Variants in DNAH3 observed in about 807,000 individuals in gnomAD.
DNAH3 encodes the protein dynein axonemal heavy chain 3, also known as axonemal beta dynein heavy chain 3.
In DNAH3, 332 loss-of-function variants were observed where a neutral mutation model predicts 432.5. That is an observed-to-expected ratio of 0.77 (90% CI 0.70 to 0.84). The LOEUF (loss-of-function observed/expected upper bound fraction) is 0.84, where lower values mean the gene tolerates loss of function less well. Among genes scored for constraint, DNAH3 ranks in the 40% least tolerant of loss-of-function variants. The pLI is 0.00. For synonymous variants in DNAH3, 1,956 were observed against 1,900.2 expected (o/e 1.03, Z -0.76); for missense variants, 4,861 against 5,114.0 (o/e 0.95, Z 1.51).
intron 56 of DNAH3, among the ~76,000 whole-genome samples, chr16:20,951,077 G>A (rs1367184512): frequency 6.6e-6 from 1 of 151,908 alleles, no homozygotes; most frequent in Non-Finnish European, 1.5e-5. Context: ...GCCTCCAAAA[G>A]TGCTGGGATT....
intron 32 of DNAH3, among the ~76,000 whole-genome samples, chr16:21,041,296 G>C (rs923694984): frequency 6.6e-6 from 1 of 152,102 alleles, no homozygotes; most frequent in Admixed American, 6.5e-5. Context: ...ACTTGAACCT[G>C]GGAGGCAGAT....
At chr16:20,944,880 C>A (rs887432845) in intron 57 of DNAH3, among the ~76,000 whole-genome samples, 2 of 152,050 alleles carry the variant, frequency 1.3e-5, no homozygotes, top group Non-Finnish European at 2.9e-5. Flanking sequence ...GACTGAATTA[C>A]CTCTCGCCCA....
At chr16:20,973,274 A>G (rs1311163505) in intron 51 of DNAH3, among the ~76,000 whole-genome samples, 1 of 150,474 alleles carries the variant, frequency 6.6e-6, no homozygotes, top group Non-Finnish European at 1.5e-5. Context: ...TCTTTTTGAG[A>G]TAAGGTCTTG....
intron 59 of DNAH3, among the ~76,000 whole-genome samples, chr16:20,937,106 T>C (rs754792846): frequency 3.9e-5 from 6 of 152,238 alleles, no homozygotes; most frequent in Non-Finnish European, 5.9e-5. Flanking sequence ...TGTTTTTCTT[T>C]CTTAGCATAT....
At chr16:21,001,618 G>A (rs1419184659) in intron 42 of DNAH3, among the ~76,000 whole-genome samples, 1 of 152,178 alleles carries the variant, frequency 6.6e-6, no homozygotes, top group Non-Finnish European at 1.5e-5. Flanking sequence ...GAGAAGAAGA[G>A]AAGTAACAGG....
intron 11 of DNAH3, among the ~76,000 whole-genome samples, chr16:21,119,354 G>A (rs1028557856): frequency 1.5e-4 from 23 of 152,064 alleles, no homozygotes; most frequent in African/African-American, 5.1e-4. Flanking sequence ...GCATTCGGCC[G>A]GGTGTGGTGG....
At chr16:20,973,235 T>C (rs925916063) in intron 51 of DNAH3, among the ~76,000 whole-genome samples, 3 of 152,078 alleles carry the variant, frequency 2.0e-5, no homozygotes, top group Admixed American at 6.6e-5. Flanking sequence ...TCAACTCTCA[T>C]ATGCCCATGT....
intron 42 of DNAH3, among the ~76,000 whole-genome samples, chr16:21,002,875 G>T: frequency 6.6e-6 from 1 of 152,250 alleles, no homozygotes; most frequent in African/African-American, 2.4e-5. Context: ...AACCATAAAT[G>T]TTCCCCCCAC....
At chr16:21,039,895 C>G in exon 33 of DNAH3, 1 of 1,613,830 alleles carries the variant, frequency 6.2e-7, no homozygotes, top group South Asian at 1.1e-5. Flanking sequence ...GAGATTTCTC[C>G]AATGAGGGCG....
At chr16:21,073,063 G>A (rs1372727190) in intron 21 of DNAH3, among the ~76,000 whole-genome samples, 1 of 151,946 alleles carries the variant, frequency 6.6e-6, no homozygotes, top group African/African-American at 2.4e-5. Context: ...TTTTTCTCCT[G>A]GGCCATTGTG....
intron 19 of DNAH3, among the ~76,000 whole-genome samples, chr16:21,086,048 G>A (rs900567782): frequency 1.3e-5 from 2 of 152,110 alleles, no homozygotes; most frequent in African/African-American, 2.4e-5. Context: ...TTGAGCCACC[G>A]TGCCTGGTCT....
At chr16:21,155,069 C>A (rs897763885) in intron 1 of DNAH3, among the ~76,000 whole-genome samples, 7 of 151,636 alleles carry the variant, frequency 4.6e-5, no homozygotes, top group Non-Finnish European at 7.4e-5. Flanking sequence ...CTTGCCTCAG[C>A]CTCCCCAGTA....
chr16:20,944,683 T>G lies in DNAH3; in HGVS notation c.11344-20A>C. The G allele has an allele frequency of 6.2e-7, 1 of 1,613,438 alleles. No individual in the cohort carries two copies. Among genetic ancestry groups the G allele is most frequent in the Non-Finnish European group, 8.5e-7 (1 of 1,179,766 alleles). ...ATAGGACTGGAAGGGAAATCTTCAG[T>G]TGAAATCAACGAGGGACCCCAGAAT... On this transcript the variant is annotated intron_variant, in intron 57 of 61. Coordinates refer to ENST00000261383, the Ensembl canonical transcript of DNAH3.
chr16:21,098,071 T>C (rs1032976705), intron 17 of DNAH3, among the ~76,000 whole-genome samples: 1 of 152,166 alleles, frequency 6.6e-6, no homozygotes, highest in African/African-American at 2.4e-5. Context: ...TACCTTACTA[T>C]AATTTCTTCT....
intron 57 of DNAH3, among the ~76,000 whole-genome samples, chr16:20,948,131 C>T (rs893733999): frequency 1.1e-4 from 17 of 152,150 alleles, no homozygotes; most frequent in Admixed American, 2.6e-4. Flanking sequence ...TCATTCCCTG[C>T]CCAGTTTTTC....
intron 24 of DNAH3, chr16:21,062,916 G>A (rs2090413664): frequency 4.1e-6 from 2 of 489,160 alleles, no homozygotes; most frequent in Non-Finnish European, 7.3e-6. Flanking sequence ...TTGAACTCCT[G>A]GGCTCAAGCA....
chr16:21,060,436 C>G (rs2090305636), intron 25 of DNAH3, 80 bp from the exon 26 acceptor site: 1 of 1,045,658 alleles, frequency 9.6e-7, no homozygotes, highest in South Asian at 1.3e-5. Flanking sequence ...ACAGCTTTCT[C>G]TCTGGACACG....
chr16:20,985,122 C>T, exon 48 of DNAH3: 2 of 1,614,200 alleles, frequency 1.2e-6, no homozygotes, highest in Non-Finnish European at 1.7e-6. Context: ...TGACTTCAAC[C>T]TTCTCTCCTT....
rs555983378 is a variant in DNAH3 at position 20,966,014 on chromosome 16, A to ATTTTT, written c.8459-594_8459-590dup. Among the ~76,000 whole-genome samples the ATTTTT allele has an allele frequency of 6.0e-3, 288 of 48,366 alleles. 34 individuals are homozygous for ATTTTT. The highest frequency in any genetic ancestry group is 8.3e-3 in the Non-Finnish European group (206 of 24,908). 31.7% of individuals were successfully genotyped at this position (48,366 alleles called of 152,430 possible). Reference sequence around the variant, plus strand: ...AGGCCTGAGCCACCATGCCCAGCCAATTTTTTTTTTTTTTTTTTTTTTTTT... The same window carrying ATTTTT: ...AGGCCTGAGCCACCATGCCCAGCCAATTTTTTTTTTTTTTTTTTTTTTTTTTTTTT... On this transcript the variant is annotated intron_variant, in intron 52 of 61. Coordinates refer to ENST00000261383, the Ensembl canonical transcript of DNAH3.
Sources: allele counts gnomAD v4.1 joint callset (sites outside exome capture counted in the v4.1 genomes callset), GRCh38; gene constraint gnomAD v4.1.1; transcripts MANE v1.5; gene names NCBI Gene and HGNC (gene_info 2026-07-23, HGNC 2026-07-21).